The following UPP2 variants were observed in gnomAD, a reference collection of about 807,000 sequenced individuals.
UPP2 encodes the protein uridine phosphorylase 2.
Under a neutral mutation model 26.7 loss-of-function variants are expected in UPP2, and 23 were observed. That is an observed-to-expected ratio of 0.86 (90% CI 0.62 to 1.22). The LOEUF (loss-of-function observed/expected upper bound fraction) is 1.22. Ranked by LOEUF, UPP2 falls within the 50% of genes most tolerant of loss-of-function variation. The probability of loss-of-function intolerance (pLI) is 0.00; values close to 1 mark genes in which losing one functional copy is unlikely to be tolerated. For missense variants in UPP2, 387 were observed against 396.7 expected (o/e 0.98, Z 0.21); for synonymous variants, 127 against 141.3 (o/e 0.90, Z 0.72).
chr2:158,071,108 A>T (rs1418795130), intron 3 of UPP2, among the ~76,000 whole-genome samples: 1 of 152,154 alleles, frequency 6.6e-6, no homozygotes, highest in African/African-American at 2.4e-5. Flanking sequence ...CAGGGACACA[A>T]ATACTGCATT....
intron 3 of UPP2, among the ~76,000 whole-genome samples, chr2:158,070,857 C>A (rs1682527340): frequency 6.6e-6 from 1 of 152,152 alleles, no homozygotes; most frequent in Admixed American, 6.6e-5. Flanking sequence ...GGAATCTGAG[C>A]ACTTTAGGGA....
At position 158,087,311 on chromosome 2, in the gene UPP2, T is replaced by C. The variant is rs76887505; in HGVS notation, c.148-14729T>C. Among the ~76,000 whole-genome samples the C allele has an allele frequency of 5.7e-3, 875 of 152,326 alleles. 8 individuals are homozygous for C. The highest frequency in any genetic ancestry group is 0.02 in the African/African-American group (836 of 41,582). The stretch of plus-strand genomic sequence containing the variant: ...GGTCTGATATAAGAATAGCTACTCC[T>C]GCTCATTTTTGATGCTCATTTGCAT... On this transcript the variant is annotated intron_variant, in intron 3 of 9. Transcript: ENST00000605860.
At chr2:158,107,802 A>G (rs1031496514) in intron 2 of UPP2, among the ~76,000 whole-genome samples, 3 of 151,902 alleles carry the variant, frequency 2.0e-5, no homozygotes, top group Non-Finnish European at 4.4e-5. Flanking sequence ...CAGTGAGGTG[A>G]CCCACCCTTT....
intron 5 of UPP2, 126 bp downstream of exon 5, chr2:158,121,744 G>T (rs1683572821): frequency 1.2e-6 from 1 of 848,964 alleles, no homozygotes; most frequent in South Asian, 1.8e-5. Context: ...AAAAGGAAAT[G>T]AAACAGCCTT....
intron 2 of UPP2, among the ~76,000 whole-genome samples, chr2:158,112,553 C>T (rs754773655): frequency 2.0e-5 from 3 of 151,754 alleles, no homozygotes; most frequent in Admixed American, 1.3e-4. Flanking sequence ...GAAATGATTT[C>T]TTATGTAAGA....
At position 158,115,146 on chromosome 2, in the gene UPP2, C is replaced by G; in HGVS notation, c.226C>G (p.Leu76Val). The G allele has an allele frequency of 6.2e-7, 1 of 1,612,998 alleles. No individual in the cohort carries two copies. Among genetic ancestry groups the G allele is most frequent in the Non-Finnish European group, 8.5e-7 (1 of 1,179,578 alleles). The change falls in exon 3 of 7, where the codon CTG (leucine) becomes GTG (valine). Residue 76 changes from leucine (L) to valine (V), a missense_variant. Coordinates refer to ENST00000005756, the MANE Select transcript of UPP2 (RefSeq NM_173355.4). ...CCCCAACAGAATGAAAGCATTTGCA[C>G]TGTTTATGCACAAGGAGCTCGGGTT... ...GSPNRMKAFA[L>V]FMHKELGFEE... is the part of the protein sequence containing the mutation.
At chr2:158,041,405 C>T (rs1335265455) in intron 3 of UPP2, among the ~76,000 whole-genome samples, 6 of 152,088 alleles carry the variant, frequency 3.9e-5, no homozygotes, top group Non-Finnish European at 7.3e-5. Flanking sequence ...TTGACTTTTG[C>T]TACAGTCATG....
chr2:158,092,827 T>G (rs1254027804), intron 3 of UPP2, among the ~76,000 whole-genome samples: 2 of 152,210 alleles, frequency 1.3e-5, no homozygotes, highest in African/African-American at 4.8e-5. Flanking sequence ...AGCTTTGAAT[T>G]GTATTAAGTA....
intron 2 of UPP2, 93 bp from the exon 3 acceptor site, chr2:158,115,008 A>T (rs762960707): frequency 7.9e-7 from 1 of 1,271,628 alleles, no homozygotes; most frequent in Non-Finnish European, 1.0e-6. Flanking sequence ...AAGTAAATTA[A>T]CTAAAAAGTA....
intron 3 of UPP2, among the ~76,000 whole-genome samples, chr2:158,030,285 C>G (rs11684639): frequency 6.6e-6 from 1 of 152,118 alleles, no homozygotes; most frequent in East Asian, 1.9e-4. Flanking sequence ...TTAGGTAGTA[C>G]ATGATTTTTA....
At chr2:158,037,575 C>T (rs1296116286) in intron 3 of UPP2, among the ~76,000 whole-genome samples, 1 of 152,108 alleles carries the variant, frequency 6.6e-6, no homozygotes, top group Non-Finnish European at 1.5e-5. Context: ...TTCCATGCCT[C>T]TCTTTAGCTT....
In UPP2 at chr2:158,106,097, A is replaced by C. The variant is rs191075030; in HGVS notation, c.63-2A>C. The stretch of plus-strand genomic sequence containing the variant: ...TCTTCTTTGTATAATTTTTTTTTCC[A>C]GAAAAAGGTTTGTTCACGTTAAAAA... On this transcript the variant is annotated splice_acceptor_variant, in intron 1 of 6. Transcript: ENST00000005756. LOFTEE classifies it high-confidence loss of function. 5.1e-6 allele frequency: 8 copies of C among 1,569,070 alleles called. No individual in the cohort carries two copies. The highest frequency in any genetic ancestry group is 4.2e-5 in the African/African-American group (3 of 72,188).
intron 3 of UPP2, among the ~76,000 whole-genome samples, chr2:158,075,431 T>C (rs939018545): frequency 6.6e-6 from 1 of 152,042 alleles, no homozygotes; most frequent in African/African-American, 2.4e-5. Context: ...ATAGACCATA[T>C]GTTAGGTCAC....
At position 158,016,951 on chromosome 2, in the gene UPP2, C is replaced by A. The variant is rs572679756; in HGVS notation, c.147+1065C>A. 2.6e-5 allele frequency among the ~76,000 whole-genome samples: 4 copies of A among 152,230 alleles called. No individual in the cohort carries two copies. The South Asian group carries it at 6.2e-4, about 24-fold the overall frequency. ...AGGGCCATCTATGCTTTTTAGCATG[C>A]AGCATCTTAATAAGCCAAGATACTA... On this transcript the variant is annotated intron_variant, in intron 3 of 9. Coordinates refer to the UPP2 transcript ENST00000605860.
At chr2:158,089,468 T>C (rs1185970554) in intron 3 of UPP2, among the ~76,000 whole-genome samples, 2 of 152,194 alleles carry the variant, frequency 1.3e-5, no homozygotes, top group Non-Finnish European at 2.9e-5. Flanking sequence ...GCAGTTTCTG[T>C]GCTGTGTCTG....
chr2:158,106,277 A>G, intron 2 of UPP2, 61 bp downstream of exon 2: 1 of 1,457,304 alleles, frequency 6.9e-7, no homozygotes. Flanking sequence ...TTTTCTTCTT[A>G]CCTTGCCAAA....
chr2:158,134,887 C>T lies in UPP2; in HGVS notation c.951C>T (p.Asp317=). The change falls in exon 7 of 7, where the codon GAC becomes GAT. Residue 317 remains aspartate, a synonymous_variant. Coordinates refer to ENST00000005756, the MANE Select transcript of UPP2 (RefSeq NM_173355.4). The part of the protein sequence containing the change: ...NFIRRRLGLC[D] ...TCAGACGGCGGCTTGGACTTTGTGA[C>T]TAGACGTCCTAACTGGGCAGCCCAA... 1 of 1,612,592 alleles carries T rather than the reference C, an allele frequency of 6.2e-7. No homozygotes were observed.
At chr2:158,032,055 CGGAATGGTACAG>C in intron 3 of UPP2, among the ~76,000 whole-genome samples, 1 of 151,954 alleles carries the variant, frequency 6.6e-6, no homozygotes, top group South Asian at 2.1e-4. Flanking sequence ...AGAGAGCTGC[CGGAATGGTACAG>C]GGTCTGTAAA....
At chr2:158,003,020 A>G (rs1038614828) in intron 2 of UPP2, among the ~76,000 whole-genome samples, 1 of 152,120 alleles carries the variant, frequency 6.6e-6, no homozygotes, top group African/African-American at 2.4e-5. Context: ...AGAATGGGCT[A>G]CCAAAGATGC....
Sources: allele counts gnomAD v4.1 joint callset (sites outside exome capture counted in the v4.1 genomes callset), GRCh38; gene constraint gnomAD v4.1.1; transcripts MANE v1.5; gene names NCBI Gene and HGNC (gene_info 2026-07-23, HGNC 2026-07-21).